SLIT2: variants seen among roughly 807,000 people sequenced by gnomAD.
SLIT2 encodes the protein slit homolog 2 protein.
SLIT2 carries 41 observed loss-of-function variants against 185.7 expected under a neutral mutation model. The ratio of observed to expected loss-of-function variants is 0.22; its 90% CI spans 0.17 to 0.29. SLIT2 has a LOEUF of 0.29. SLIT2 is among the 10% of genes least tolerant of loss of function. The pLI is 1.00. For synonymous variants in SLIT2, 693 were observed against 680.2 expected (o/e 1.02, Z -0.29); for missense variants, 1,571 against 1,909.0 (o/e 0.82, Z 3.30).
chr4:20,375,835 G>C (rs1401730313), intron 4 of SLIT2, among the ~76,000 whole-genome samples: 1 of 151,936 alleles, frequency 6.6e-6, no homozygotes, highest in African/African-American at 2.4e-5. Context: ...TGCACTATGT[G>C]CTTTCATTTT....
rs9993391 is a variant in SLIT2, at chr4:20,437,590, G to T, written c.396-30162G>T. ...TGATCACAGCACTGCATCCCAGCCT[G>T]GGTGACAGAGTGAGACCTTATCTTA... On this transcript the variant is annotated intron_variant, in intron 4 of 36. Transcript: ENST00000504154. Among the ~76,000 whole-genome samples the T allele has an allele frequency of 5.0e-3, 762 of 152,190 alleles. 11 individuals are homozygous for T. The highest frequency in any genetic ancestry group is 0.018 in the African/African-American group (739 of 41,534).
intron 4 of SLIT2, among the ~76,000 whole-genome samples, chr4:20,294,797 C>G (rs1265493835): frequency 1.3e-5 from 2 of 152,080 alleles, no homozygotes; most frequent in Non-Finnish European, 2.9e-5. Context: ...GTTCATAAAA[C>G]AGGCCATCTT....
chr4:20,419,537 A>C (rs1408227604), intron 4 of SLIT2, among the ~76,000 whole-genome samples: 2 of 152,160 alleles, frequency 1.3e-5, no homozygotes, highest in East Asian at 3.9e-4. Flanking sequence ...CTCCAACCTC[A>C]GATTTTCTCT....
chr4:20,523,574 T>C (rs902053659), intron 12 of SLIT2, among the ~76,000 whole-genome samples, 186 bp from the exon 13 acceptor site: 1 of 152,240 alleles, frequency 6.6e-6, no homozygotes, highest in Non-Finnish European at 1.5e-5. Flanking sequence ...TTTGATCACA[T>C]GACTTTTGTT....
intron 29 of SLIT2, among the ~76,000 whole-genome samples, chr4:20,582,308 A>T (rs1726649284): frequency 6.6e-6 from 1 of 152,088 alleles, no homozygotes; most frequent in African/African-American, 2.4e-5. Context: ...TCTTCAGAAG[A>T]ATCTCTCCTG....
intron 4 of SLIT2, among the ~76,000 whole-genome samples, chr4:20,450,812 G>A (rs1360647441): frequency 2.0e-5 from 3 of 152,216 alleles, no homozygotes; most frequent in Admixed American, 1.3e-4. Context: ...ATATCCCTTC[G>A]TATGTAACAC....
chr4:20,486,979 A>G (rs1717303320), intron 7 of SLIT2, among the ~76,000 whole-genome samples: 1 of 151,960 alleles, frequency 6.6e-6, no homozygotes, highest in Non-Finnish European at 1.5e-5. Context: ...TGGAAGCAAA[A>G]CCAAAGCATC....
At chr4:20,519,506 T>G in intron 12 of SLIT2, 53 bp downstream of exon 12, 3 of 1,058,064 alleles carry the variant, frequency 2.8e-6, no homozygotes, top group Non-Finnish European at 4.3e-6. Context: ...ATATTAGCCA[T>G]TTTGTTGTCT....
chr4:20,467,306 T>C (rs1277223865), intron 4 of SLIT2, among the ~76,000 whole-genome samples: 1 of 152,112 alleles, frequency 6.6e-6, no homozygotes, highest in Non-Finnish European at 1.5e-5. Context: ...TTTATCAGTT[T>C]TTACCCACTC....
intron 4 of SLIT2, among the ~76,000 whole-genome samples, chr4:20,323,197 T>TA (rs55676738): frequency 0.37 from 56,298 of 151,896 alleles, 10,638 homozygotes; most frequent in South Asian, 0.51. Context: ...TAATTTCAGC[T>TA]AAAAAATGTA....
chr4:20,289,070 C>G (rs975706467), intron 4 of SLIT2, among the ~76,000 whole-genome samples: 1 of 152,118 alleles, frequency 6.6e-6, no homozygotes, highest in Non-Finnish European at 1.5e-5. Flanking sequence ...GGTCAGGACT[C>G]TAATAGGACA....
At chr4:20,338,696 C>T (rs1720711101) in intron 4 of SLIT2, among the ~76,000 whole-genome samples, 1 of 152,132 alleles carries the variant, frequency 6.6e-6, no homozygotes, top group Non-Finnish European at 1.5e-5. Context: ...AATGAATGTA[C>T]TGCTGGGAGA....
chr4:20,489,074 T>C, intron 8 of SLIT2, 92 bp downstream of exon 8: 5 of 970,166 alleles, frequency 5.2e-6, no homozygotes, highest in Non-Finnish European at 7.8e-6. Flanking sequence ...GTTTCAGTAT[T>C]GTTCACTAAT....
chr4:20,302,399 C>T (rs1334058976), intron 4 of SLIT2, among the ~76,000 whole-genome samples: 1 of 152,096 alleles, frequency 6.6e-6, no homozygotes, highest in African/African-American at 2.4e-5. Context: ...TTTATTCCAT[C>T]AGTTATCCAG....
At chr4:20,333,094 A>G (rs1483008611) in intron 4 of SLIT2, among the ~76,000 whole-genome samples, 1 of 152,122 alleles carries the variant, frequency 6.6e-6, no homozygotes, top group Non-Finnish European at 1.5e-5. Context: ...TGCTTTAGAA[A>G]TTGTCCTTTT....
intron 4 of SLIT2, among the ~76,000 whole-genome samples, chr4:20,277,722 TGATGAAA>T (rs918329656): frequency 1.0e-4 from 15 of 147,740 alleles, no homozygotes; most frequent in Non-Finnish European, 2.1e-4. Flanking sequence ...AGCTACATCA[TGATGAAA>T]GATTTTCATC....
chr4:20,304,601 G>T (rs1370517002), intron 4 of SLIT2, among the ~76,000 whole-genome samples: 1 of 152,126 alleles, frequency 6.6e-6, no homozygotes, highest in East Asian at 1.9e-4. Context: ...TGGAATACTT[G>T]TGGTTAGAGT....
chr4:20,581,123 T>A (rs960324550), intron 29 of SLIT2, among the ~76,000 whole-genome samples: 7 of 152,168 alleles, frequency 4.6e-5, no homozygotes, highest in African/African-American at 1.7e-4. Flanking sequence ...GTCTTACAGT[T>A]CTGGAGGCTA....
chr4:20,603,254 C>T (rs149668659), intron 33 of SLIT2, among the ~76,000 whole-genome samples: 2,051 of 152,230 alleles, frequency 0.013, 26 homozygotes, highest in Non-Finnish European at 0.02. Context: ...GAGACTCATT[C>T]GCTACCATGA....
Sources: gnomAD v4.1 joint callset for allele counts (sites outside exome capture counted in the v4.1 genomes callset) on GRCh38, gnomAD v4.1.1 for gene constraint, MANE v1.5 for transcripts, NCBI Gene and HGNC (gene_info 2026-07-23, HGNC 2026-07-21) for gene names.